The following SCAI variants were observed in gnomAD, a reference collection of about 807,000 sequenced individuals.
SCAI encodes suppressor of cancer cell invasion.
In SCAI, 24 loss-of-function variants were observed where a neutral mutation model predicts 92.2. The observed-to-expected ratio is 0.26, with a 90% CI of 0.19 to 0.37. SCAI has a LOEUF of 0.37. SCAI is among the 10% of genes least tolerant of loss of function. The pLI is 1.00. For missense variants in SCAI, 450 were observed against 736.2 expected, an observed-to-expected ratio of 0.61 and a Z score of 4.50; for synonymous variants, 261 against 258.6, an observed-to-expected ratio of 1.01 and a Z score of -0.09.
In SCAI at chr9:124,952,599, A is replaced by T; in HGVS notation, c.*208T>A. 1 of 444,214 alleles carries T rather than the reference A, an allele frequency of 2.3e-6. No homozygotes were observed. Among genetic ancestry groups the T allele is most frequent in the South Asian group, 4.7e-5 (1 of 21,372 alleles). The allele number at this position is 444,214 out of a possible 1,614,324, so 27.5% of individuals were successfully genotyped here. ...TCAAAATCAAAAAATAAAAATTCCA[A>T]GGTTAAGATTTTAAAAGACCTGAAA... On this transcript the variant is annotated 3_prime_UTR_variant, in exon 18 of 18. Transcript: ENST00000336505.
chr9:125,058,039 CAG>C (rs1833706210), intron 2 of SCAI, among the ~76,000 whole-genome samples: 1 of 150,920 alleles, frequency 6.6e-6, no homozygotes, highest in African/African-American at 2.4e-5. Flanking sequence ...TTCAAGGGTG[CAG>C]AGAGCTATGA....
At chr9:125,005,582 C>T (rs567600448) in intron 9 of SCAI, among the ~76,000 whole-genome samples, 54 of 152,250 alleles carry the variant, frequency 3.5e-4, no homozygotes, top group Admixed American at 1.6e-3. Context: ...CCACCTGCCT[C>T]GGCCTCCCAA....
At chr9:124,967,793 G>T (rs1159081360) in intron 17 of SCAI, among the ~76,000 whole-genome samples, 4 of 152,146 alleles carry the variant, frequency 2.6e-5, no homozygotes, top group African/African-American at 9.7e-5. Flanking sequence ...AATTGCTTTT[G>T]ACACTTCAAT....
chr9:124,957,757 C>G (rs1414179093), intron 17 of SCAI, among the ~76,000 whole-genome samples: 1 of 150,798 alleles, frequency 6.6e-6, no homozygotes, highest in Non-Finnish European at 1.5e-5. Context: ...CCTCGGCTCA[C>G]CACAACCTCC....
intron 2 of SCAI, among the ~76,000 whole-genome samples, chr9:125,071,317 TG>T (rs1156967355): frequency 6.6e-6 from 1 of 152,170 alleles, no homozygotes; most frequent in Non-Finnish European, 1.5e-5. Flanking sequence ...AAGGATCACT[TG>T]AGCCCAGGAG....
intron 2 of SCAI, among the ~76,000 whole-genome samples, chr9:125,089,527 G>C (rs1834386415): frequency 6.6e-6 from 1 of 152,152 alleles, no homozygotes; most frequent in Admixed American, 6.5e-5. Flanking sequence ...TAGACCAGCA[G>C]CATCAGCATC....
In SCAI at chr9:125,018,963, A is replaced by C; in HGVS notation, c.709-12T>G. ...ATTACAGGATCCGCCTAAAGAAAAAAGCAATAAGAACTTAACGAATGGCCA... is the reference window on the plus strand; with the variant it reads ...ATTACAGGATCCGCCTAAAGAAAAACGCAATAAGAACTTAACGAATGGCCA... On this transcript the variant is annotated splice_polypyrimidine_tract_variant and intron_variant, in intron 8 of 17. Transcript: ENST00000336505. 1 of 1,611,246 alleles carries C rather than the reference A, an allele frequency of 6.2e-7. No homozygotes were observed. The highest frequency in any genetic ancestry group is 8.5e-7 in the Non-Finnish European group (1 of 1,178,968).
Position 125,129,904 on chromosome 9 carries a change from C to T in SCAI, c.98+12729G>A, listed in dbSNP as rs1401427154. On this transcript the variant is annotated intron_variant, in intron 2 of 17. Transcript: ENST00000336505. ...TATGCTGCAGTTTTTCTTTTCTTTT[C>T]TTTTTTTTTGTTGAGATGGAGTCTT... 1.2e-4 allele frequency among the ~76,000 whole-genome samples: 18 copies of T among 149,276 alleles called. No individual in the cohort carries two copies. The East Asian group carries it at 3.2e-3, about 26-fold the overall frequency.
In SCAI at chr9:124,949,408, G is replaced by C. The variant is rs1831200265; in HGVS notation, c.*3399C>G. 1 of 152,164 alleles carries C rather than the reference G, an allele frequency of 6.6e-6. No individual in the cohort carries two copies. Among genetic ancestry groups the C allele is most frequent in the South Asian group, 2.1e-4 (1 of 4,834 alleles). 9.4% of individuals were successfully genotyped at this position (152,164 alleles called of 1,614,324 possible). On this transcript the variant is annotated 3_prime_UTR_variant, in exon 18 of 18. Coordinates refer to ENST00000336505, the MANE Select transcript of SCAI (RefSeq NM_001144877.3). The surrounding 1 kb of genome is among the most constrained non-coding windows in gnomAD (Gnocchi z 4.0). ...AAACTTTCATAAAAAGAAAGAAAAG[G>C]CAAAGTGTTCATGCAAATGTGACCT...
rs1241151332 is a variant in SCAI, at chr9:124,944,755, A to G, written c.*8052T>C. 1.3e-5 allele frequency: 2 copies of G among 152,136 alleles called. No homozygotes were observed. Among genetic ancestry groups the G allele is most frequent in the Non-Finnish European group, 2.9e-5 (2 of 68,020 alleles). 9.4% of individuals were successfully genotyped at this position (152,136 alleles called of 1,614,324 possible). On this transcript the variant is annotated 3_prime_UTR_variant, in exon 18 of 18. Transcript: ENST00000336505. The stretch of plus-strand genomic sequence containing the variant: ...GGGATTCTCATGTATGATCATTTCA[A>G]ATTTTATACTTATTCATACTGATTT...
At chr9:124,972,906 T>C (rs1831687932) in intron 15 of SCAI, among the ~76,000 whole-genome samples, 1 of 152,228 alleles carries the variant, frequency 6.6e-6, no homozygotes, top group African/African-American at 2.4e-5. Flanking sequence ...CCCAAGTTCA[T>C]TCTCTAGGAC....
intron 2 of SCAI, among the ~76,000 whole-genome samples, chr9:125,104,484 T>C (rs769131088): frequency 3.4e-4 from 51 of 151,998 alleles, no homozygotes; most frequent in Non-Finnish European, 7.4e-4. Flanking sequence ...GAGATTTCAG[T>C]CTAATTCTGT....
At chr9:125,127,786 T>G (rs1276097477) in intron 2 of SCAI, among the ~76,000 whole-genome samples, 1 of 152,100 alleles carries the variant, frequency 6.6e-6, no homozygotes, top group African/African-American at 2.4e-5. Flanking sequence ...GGTGGGTGGA[T>G]CAACTGAGGT....
intron 17 of SCAI, among the ~76,000 whole-genome samples, chr9:124,959,988 A>G (rs1831407338): frequency 6.6e-6 from 1 of 152,152 alleles, no homozygotes; most frequent in Admixed American, 6.5e-5. Context: ...TAGTGCCGCA[A>G]TAAACATATA....
intron 2 of SCAI, among the ~76,000 whole-genome samples, chr9:125,127,679 G>A (rs943400961): frequency 2.0e-5 from 3 of 152,108 alleles, no homozygotes; most frequent in African/African-American, 7.2e-5. Flanking sequence ...TAATATTGGT[G>A]GTTTCAAAGA....
At chr9:124,964,858 G>GCATAAA (rs1831507866) in intron 17 of SCAI, among the ~76,000 whole-genome samples, 1 of 152,188 alleles carries the variant, frequency 6.6e-6, no homozygotes, top group Admixed American at 6.5e-5. Flanking sequence ...TTTCTGTCAA[G>GCATAAA]GTGCATTAGC....
chr9:124,972,265 C>T (rs917542466), intron 15 of SCAI, among the ~76,000 whole-genome samples: 1 of 152,066 alleles, frequency 6.6e-6, no homozygotes, highest in African/African-American at 2.4e-5. Flanking sequence ...CTTTCTTTGG[C>T]CCCATACATT....
intron 3 of SCAI, among the ~76,000 whole-genome samples, chr9:125,039,402 A>AG (rs1833272544): frequency 6.6e-6 from 1 of 151,634 alleles, no homozygotes; most frequent in African/African-American, 2.4e-5. Flanking sequence ...AAAAAAAAAA[A>AG]AAGAAAAGAA....
intron 9 of SCAI, among the ~76,000 whole-genome samples, chr9:125,004,746 TATATATATATATATATATATA>T (rs1832440747): frequency 1.4e-4 from 2 of 14,416 alleles, no homozygotes; most frequent in African/African-American, 2.6e-4. Flanking sequence ...TATATATATA[TATATATATATATATATATATA>T]TATATATATA....
Sources: allele counts gnomAD v4.1 joint callset (sites outside exome capture counted in the v4.1 genomes callset), GRCh38; gene constraint gnomAD v4.1.1; non-coding constraint Gnocchi (gnomAD v3.1); transcripts MANE v1.5; gene names NCBI Gene and HGNC (gene_info 2026-07-23, HGNC 2026-07-21).